RORA: variants seen among roughly 807,000 people sequenced by gnomAD.
RORA encodes the protein RAR related orphan receptor A.
A neutral mutation model predicts 69.5 loss-of-function variants in RORA; 7 were observed. The ratio of observed to expected loss-of-function variants is 0.10; its 90% confidence interval spans 0.06 to 0.19. The LOEUF (loss-of-function observed/expected upper bound fraction) is 0.19, where lower values mean the gene tolerates loss of function less well. Among genes scored for constraint, RORA ranks in the 10% least tolerant of loss-of-function variants. The pLI is 1.00. For missense variants in RORA, 457 were observed against 663.0 expected (o/e 0.69, Z 3.41); for synonymous variants, 261 against 240.8 (o/e 1.08, Z -0.78).
chr15:60,593,701 G>A (rs1027951415), intron 2 of RORA, among the ~76,000 whole-genome samples: 9 of 152,146 alleles, frequency 5.9e-5, no homozygotes, highest in Non-Finnish European at 8.8e-5. Flanking sequence ...CGTACCTATT[G>A]CGGTTCCTTC....
chr15:61,030,371 A>G (rs1896096948), intron 1 of RORA, among the ~76,000 whole-genome samples: 4 of 152,306 alleles, frequency 2.6e-5, no homozygotes, highest in Middle Eastern at 3.4e-3. Context: ...ATTACACACT[A>G]AAGTATTCCA....
chr15:61,044,440 C>T (rs537658737), intron 1 of RORA, among the ~76,000 whole-genome samples: 3 of 152,254 alleles, frequency 2.0e-5, no homozygotes, highest in East Asian at 1.9e-4. Flanking sequence ...CTGTGGCCAC[C>T]GAGCACTTGA....
At chr15:60,872,281 C>T (rs1330920515) in intron 1 of RORA, among the ~76,000 whole-genome samples, 2 of 152,144 alleles carry the variant, frequency 1.3e-5, no homozygotes, top group Admixed American at 6.6e-5. Flanking sequence ...AGATCATATA[C>T]AAAGATGCTC....
intron 2 of RORA, among the ~76,000 whole-genome samples, chr15:60,616,592 G>T (rs566595340): frequency 1.3e-5 from 2 of 152,152 alleles, no homozygotes; most frequent in South Asian, 4.1e-4. Context: ...AGAATTCCAG[G>T]GGTCATGGGG....
chr15:60,666,164 T>A (rs1042869937), intron 2 of RORA, among the ~76,000 whole-genome samples: 8 of 115,920 alleles, frequency 6.9e-5, no homozygotes, highest in South Asian at 3.5e-4. Flanking sequence ...GATACAAAGA[T>A]AATTTTTTTT....
At chr15:60,592,629 G>GGGCGGGAGGCGGGA (rs371824358) in intron 2 of RORA, 159 of 1,131,076 alleles carry the variant, frequency 1.4e-4, no homozygotes, top group East Asian at 9.4e-5. Flanking sequence ...CTTCCTCCCG[G>GGGCGGGAGGCGGGA]GGCGGGAGGC....
At chr15:60,590,630 C>A (rs1007391298) in intron 2 of RORA, among the ~76,000 whole-genome samples, 1 of 151,172 alleles carries the variant, frequency 6.6e-6, no homozygotes, top group African/African-American at 2.4e-5. Flanking sequence ...GCTTTAACTG[C>A]AGAGGGCATT....
chr15:60,908,669 C>T (rs894376937), intron 1 of RORA, among the ~76,000 whole-genome samples: 15 of 152,282 alleles, frequency 9.9e-5, no homozygotes, highest in East Asian at 3.9e-4. Flanking sequence ...ATATCCATTT[C>T]TACAGTGGTC....
chr15:61,205,110 C>A (rs2079928906), intron 1 of RORA, among the ~76,000 whole-genome samples: 1 of 152,156 alleles, frequency 6.6e-6, no homozygotes, highest in African/African-American at 2.4e-5. Context: ...GTTTTTTCCC[C>A]TTCTTATAAA....
In RORA at chr15:60,638,261, G is replaced by A. The variant is rs75995412; in HGVS notation, c.196+40396C>T. Reference sequence around the variant, plus strand: ...GGCCTGAATTACGACAGTCCTGGTGGGGTTCTACAAGGTGTGTGCCAAATA... The same window carrying A: ...GGCCTGAATTACGACAGTCCTGGTGAGGTTCTACAAGGTGTGTGCCAAATA... On this transcript the variant is annotated intron_variant, in intron 2 of 10. Coordinates refer to ENST00000335670, the MANE Select transcript of RORA (RefSeq NM_134261.3). Among the ~76,000 whole-genome samples, 669 of 152,184 alleles carry A rather than the reference G, an allele frequency of 4.4e-3. 31 individuals are homozygous for A. The East Asian group carries it at 0.11, about 26-fold the overall frequency.
At chr15:61,084,352 T>C (rs2078590599) in intron 1 of RORA, among the ~76,000 whole-genome samples, 1 of 152,166 alleles carries the variant, frequency 6.6e-6, no homozygotes, top group South Asian at 2.1e-4. Context: ...GTACAGATTC[T>C]AAGTCAAAAA....
intron 1 of RORA, among the ~76,000 whole-genome samples, chr15:60,709,111 A>C (rs552881982): frequency 6.6e-6 from 1 of 152,334 alleles, no homozygotes; most frequent in Non-Finnish European, 1.5e-5. Context: ...ACACATCCCA[A>C]AACTTATATC....
intron 2 of RORA, among the ~76,000 whole-genome samples, chr15:60,605,258 CT>C (rs1268687736): frequency 6.6e-6 from 1 of 151,938 alleles, no homozygotes; most frequent in African/African-American, 2.4e-5. Context: ...AAAAGCAATT[CT>C]TCGTAATGTA....
intron 1 of RORA, among the ~76,000 whole-genome samples, chr15:61,114,519 G>C (rs1035306587): frequency 2.6e-5 from 4 of 152,194 alleles, no homozygotes; most frequent in Admixed American, 2.0e-4. Flanking sequence ...GTTTGTTGCT[G>C]TGACTGCAAG....
intron 1 of RORA, among the ~76,000 whole-genome samples, chr15:61,126,057 G>A (rs1163443933): frequency 6.6e-6 from 1 of 152,154 alleles, no homozygotes; most frequent in Admixed American, 6.5e-5. Context: ...GGAGCAATGG[G>A]AAGAATTCTG....
At chr15:60,509,228 A>G (rs2065612486) in intron 5 of RORA, among the ~76,000 whole-genome samples, 1 of 152,254 alleles carries the variant, frequency 6.6e-6, no homozygotes, top group Non-Finnish European at 1.5e-5. Context: ...CTTTGCATGT[A>G]TAAATGGGAT....
chr15:60,938,831 G>A (rs1892604772), intron 1 of RORA, among the ~76,000 whole-genome samples: 1 of 152,198 alleles, frequency 6.6e-6, no homozygotes, highest in Admixed American at 6.5e-5. Flanking sequence ...TGGGGATACA[G>A]ATTGCTTCTT....
intron 2 of RORA, among the ~76,000 whole-genome samples, chr15:60,589,040 G>GCTCAGTAGT (rs1009061561): frequency 7.9e-5 from 12 of 152,186 alleles, no homozygotes; most frequent in African/African-American, 2.9e-4. Context: ...TAAGCATTCT[G>GCTCAGTAGT]CTCAGTAGTG....
intron 1 of RORA, among the ~76,000 whole-genome samples, chr15:60,701,779 C>G (rs987451470): frequency 6.6e-6 from 1 of 152,102 alleles, no homozygotes; most frequent in African/African-American, 2.4e-5. Flanking sequence ...AACATGCTCA[C>G]CAGTGACCTC....
Sources: allele counts gnomAD v4.1 joint callset (sites outside exome capture counted in the v4.1 genomes callset), GRCh38; gene constraint gnomAD v4.1.1; transcripts MANE v1.5; gene names NCBI Gene and HGNC (gene_info 2026-07-23, HGNC 2026-07-21).